PRKD1: variants seen among roughly 807,000 people sequenced by gnomAD.
PRKD1 encodes the protein protein kinase D1.
In PRKD1, 63 loss-of-function variants were observed where a neutral mutation model predicts 95.9. The observed-to-expected ratio is 0.66, with a 90% CI of 0.54 to 0.81. The LOEUF is 0.81. Ranked by LOEUF, PRKD1 falls within the 30% of genes least tolerant of loss-of-function variation. PRKD1 has a pLI of 0.00. For synonymous variants in PRKD1, 425 were observed against 423.1 expected (o/e 1.00, Z -0.05); for missense variants, 1,048 against 1,165.3 (o/e 0.90, Z 1.47).
chr14:29,693,865 T>G (rs1356277752), intron 2 of PRKD1, among the ~76,000 whole-genome samples: 1 of 152,204 alleles, frequency 6.6e-6, no homozygotes, highest in Non-Finnish European at 1.5e-5. Flanking sequence ...AAAGAGAACT[T>G]AGTCCATTTT....
At chr14:29,921,615 T>C (rs1009304027) in intron 1 of PRKD1, among the ~76,000 whole-genome samples, 1 of 152,196 alleles carries the variant, frequency 6.6e-6, no homozygotes, top group African/African-American at 2.4e-5. Flanking sequence ...GTAACAGTTA[T>C]TCATGAATAA....
At chr14:29,877,924 A>G (rs12890503) in intron 1 of PRKD1, among the ~76,000 whole-genome samples, 2 of 152,210 alleles carry the variant, frequency 1.3e-5, no homozygotes, top group Non-Finnish European at 2.9e-5. Flanking sequence ...GGCCGATTGG[A>G]TGAGGAACAT....
At chr14:29,837,519 T>A (rs1418735219) in intron 1 of PRKD1, among the ~76,000 whole-genome samples, 1 of 152,136 alleles carries the variant, frequency 6.6e-6, no homozygotes, top group Non-Finnish European at 1.5e-5. Flanking sequence ...CTTGAGTAAC[T>A]AAAAACCTAC....
chr14:29,676,389 T>C (rs1247656965), intron 2 of PRKD1, among the ~76,000 whole-genome samples: 1 of 151,984 alleles, frequency 6.6e-6, no homozygotes, highest in East Asian at 1.9e-4. Context: ...GGAGTCTCGC[T>C]ATGTCGCCAG....
chr14:29,626,495 A>G lies in PRKD1; in HGVS notation c.1787T>C (p.Ile596Thr), dbSNP rs12890759. Residue 596 changes from isoleucine to threonine, a missense_variant, in exon 12 of 18, where the codon ATT (isoleucine) becomes ACT (threonine). By Grantham distance (89) the Ile-to-Thr change is moderately conservative. This residue lies in a region of PRKD1 where 739 missense variants were observed against 861.9 expected (regional missense o/e 0.86). Coordinates refer to ENST00000331968, the MANE Select transcript of PRKD1 (RefSeq NM_002742.3). ...DEVLGSGQFG[I>T]VYGGKHRKTG... ...GTGAGATAACCTACCTCCATAAACA[A>G]TTCCAAACTGTCCAGAACCCAGTAC... 1.9e-6 allele frequency: 3 copies of G among 1,612,072 alleles called. No homozygotes were observed. The South Asian group carries it at 3.3e-5, about 18-fold the overall frequency.
At chr14:29,696,197 C>G (rs554310587) in intron 2 of PRKD1, among the ~76,000 whole-genome samples, 7 of 152,036 alleles carry the variant, frequency 4.6e-5, no homozygotes, top group Admixed American at 4.6e-4. Context: ...ATATGAATTG[C>G]TGATGAACTG....
At chr14:29,925,964 T>C (rs1895280539) in intron 1 of PRKD1, among the ~76,000 whole-genome samples, 1 of 152,166 alleles carries the variant, frequency 6.6e-6, no homozygotes, top group African/African-American at 2.4e-5. Context: ...TGATATGACT[T>C]ACATCAGCAT....
chr14:29,716,837 G>A (rs1885636317), intron 2 of PRKD1, among the ~76,000 whole-genome samples: 1 of 152,144 alleles, frequency 6.6e-6, no homozygotes, highest in Non-Finnish European at 1.5e-5. Flanking sequence ...AGGAATCATA[G>A]AAATTAGGAA....
chr14:29,825,241 C>T (rs1438337613), intron 1 of PRKD1, among the ~76,000 whole-genome samples: 1 of 151,830 alleles, frequency 6.6e-6, no homozygotes, highest in Admixed American at 6.6e-5. Flanking sequence ...GTCAAAAGGG[C>T]AAAATAATGT....
At chr14:29,618,957 G>A (rs1879060449) in intron 13 of PRKD1, among the ~76,000 whole-genome samples, 1 of 152,166 alleles carries the variant, frequency 6.6e-6, no homozygotes, top group African/African-American at 2.4e-5. Flanking sequence ...AACCCACATG[G>A]TCCCCTCTGG....
intron 1 of PRKD1, among the ~76,000 whole-genome samples, chr14:29,826,804 C>T (rs183567616): frequency 0.027 from 900 of 33,368 alleles, 101 homozygotes; most frequent in Admixed American, 0.049. Flanking sequence ...TATATATACA[C>T]ATATATATAC....
At chr14:29,905,046 G>A (rs950699077) in intron 1 of PRKD1, among the ~76,000 whole-genome samples, 14 of 152,132 alleles carry the variant, frequency 9.2e-5, no homozygotes, top group African/African-American at 3.1e-4. Flanking sequence ...ACACCACAAC[G>A]GGAATTACTG....
chr14:29,751,915 C>T (rs1344894157), intron 1 of PRKD1, among the ~76,000 whole-genome samples: 1 of 152,208 alleles, frequency 6.6e-6, no homozygotes, highest in Non-Finnish European at 1.5e-5. Flanking sequence ...TGTGTACACA[C>T]AAATAAATGG....
intron 16 of PRKD1, among the ~76,000 whole-genome samples, chr14:29,592,078 A>G (rs1010996752): frequency 1.3e-5 from 2 of 152,132 alleles, no homozygotes; most frequent in Non-Finnish European, 2.9e-5. Flanking sequence ...GGAACCGAGA[A>G]GGGTAACAGA....
intron 4 of PRKD1, among the ~76,000 whole-genome samples, chr14:29,658,884 C>G (rs1362222017): frequency 6.6e-6 from 1 of 152,156 alleles, no homozygotes; most frequent in Non-Finnish European, 1.5e-5. Flanking sequence ...AATCTCATAA[C>G]ATAATGTATT....
intron 2 of PRKD1, among the ~76,000 whole-genome samples, chr14:29,723,170 G>C (rs1463772143): frequency 6.6e-6 from 1 of 152,156 alleles, no homozygotes; most frequent in Non-Finnish European, 1.5e-5. Context: ...ACTTAAAATG[G>C]AAAGTAAAAT....
chr14:29,855,884 T>G (rs548409747), intron 1 of PRKD1, among the ~76,000 whole-genome samples: 19 of 152,288 alleles, frequency 1.2e-4, no homozygotes, highest in African/African-American at 4.6e-4. Context: ...TGTTCCTTCT[T>G]GCTTTCCACC....
At chr14:29,612,963 T>A (rs1878579376) in intron 13 of PRKD1, among the ~76,000 whole-genome samples, 2 of 152,110 alleles carry the variant, frequency 1.3e-5, no homozygotes, top group Non-Finnish European at 2.9e-5. Context: ...CCGGGCTTGC[T>A]GGTGGGTGCC....
At chr14:29,842,420 G>C (rs1490611935) in intron 1 of PRKD1, among the ~76,000 whole-genome samples, 1 of 152,202 alleles carries the variant, frequency 6.6e-6, no homozygotes, top group Non-Finnish European at 1.5e-5. Context: ...CATTAAGATA[G>C]TTATGATGTC....
Sources: allele counts gnomAD v4.1 joint callset (sites outside exome capture counted in the v4.1 genomes callset), GRCh38; gene constraint gnomAD v4.1.1; regional missense constraint gnomAD v4.1.1; transcripts MANE v1.5; gene names NCBI Gene and HGNC (gene_info 2026-07-23, HGNC 2026-07-21).